Variants in SLC7A11 observed in about 807,000 individuals in gnomAD.
SLC7A11 encodes cystine/glutamate transporter.
SLC7A11 carries 35 observed loss-of-function variants against 54.5 expected under a neutral mutation model. That is an observed-to-expected ratio of 0.64 (90% CI 0.49 to 0.85). SLC7A11 has a LOEUF of 0.85. SLC7A11 is among the 40% of genes least tolerant of loss of function. The probability of loss-of-function intolerance (pLI) is 0.00; values close to 1 mark genes in which losing one functional copy is unlikely to be tolerated. For missense variants in SLC7A11, 583 were observed against 618.1 expected, an observed-to-expected ratio of 0.94 and a Z score of 0.60; for synonymous variants, 230 against 225.2, an observed-to-expected ratio of 1.02 and a Z score of -0.19.
intron 6 of SLC7A11, among the ~76,000 whole-genome samples, chr4:138,190,272 TAAG>T (rs1736977929): frequency 1.3e-5 from 2 of 151,878 alleles, no homozygotes; most frequent in Non-Finnish European, 2.9e-5. Context: ...GAGAAAAAAT[TAAG>T]AAGAACAAAA....
At chr4:138,239,777 C>CT (rs1431528003) in intron 1 of SLC7A11, among the ~76,000 whole-genome samples, 6 of 152,180 alleles carry the variant, frequency 3.9e-5, no homozygotes, top group African/African-American at 1.4e-4. Flanking sequence ...AATACTCATA[C>CT]TGATCTATTT....
chr4:138,193,337 CTCATT>C lies in SLC7A11; in HGVS notation c.792-8098_792-8094del, dbSNP rs769923117. On this transcript the variant is annotated intron_variant, in intron 6 of 11. Transcript: ENST00000280612. ...GGGATTATAGACTATCCTGTTCTCA[CTCATT>C]TCAACCAGATGAGTCCTCTCTTACT... 2.0e-5 allele frequency among the ~76,000 whole-genome samples: 3 copies of C among 152,276 alleles called. No homozygotes were observed. In the East Asian group the frequency reaches 5.8e-4, roughly 29 times the overall value.
At chr4:138,172,861 T>C (rs896806169) in intron 11 of SLC7A11, among the ~76,000 whole-genome samples, 13 of 152,294 alleles carry the variant, frequency 8.5e-5, no homozygotes, top group Middle Eastern at 3.4e-3. Context: ...TTTTGATTTT[T>C]TGAGGCGGAG....
chr4:138,196,292 A>G (rs1316149092), intron 6 of SLC7A11, among the ~76,000 whole-genome samples: 1 of 152,188 alleles, frequency 6.6e-6, no homozygotes, highest in Non-Finnish European at 1.5e-5. Context: ...GCCAGCAGCC[A>G]CCAGTGGGGA....
At chr4:138,207,252 T>C (rs1229702373) in intron 6 of SLC7A11, among the ~76,000 whole-genome samples, 1 of 152,132 alleles carries the variant, frequency 6.6e-6, no homozygotes, top group African/African-American at 2.4e-5. Flanking sequence ...TAATGTTGTC[T>C]AAGAATGTAG....
At chr4:138,237,728 TATATATATA>T (rs1217935351) in intron 1 of SLC7A11, among the ~76,000 whole-genome samples, 4 of 11,488 alleles carry the variant, frequency 3.5e-4, no homozygotes, top group South Asian at 3.1e-3. Context: ...TATATATATA[TATATATATA>T]TTTTTTTTTT....
intron 2 of SLC7A11, among the ~76,000 whole-genome samples, chr4:138,235,558 T>C (rs1212778747): frequency 6.6e-6 from 1 of 152,188 alleles, no homozygotes; most frequent in Non-Finnish European, 1.5e-5. Context: ...TCCCTAGTAA[T>C]ATCCATTAAA....
chr4:138,211,001 C>G (rs907375310), intron 6 of SLC7A11, among the ~76,000 whole-genome samples: 1 of 151,900 alleles, frequency 6.6e-6, no homozygotes, highest in African/African-American at 2.4e-5. Context: ...AACTTTAGTT[C>G]CCATCAAAAG....
intron 11 of SLC7A11, chr4:138,176,066 G>C (rs1453750936): frequency 6.6e-6 from 1 of 152,060 alleles, no homozygotes; most frequent in African/African-American, 2.4e-5. Flanking sequence ...GAAGGGACAG[G>C]GCGCTGCTTC....
chr4:138,229,581 C>T (rs879639810), intron 3 of SLC7A11, among the ~76,000 whole-genome samples: 6 of 152,180 alleles, frequency 3.9e-5, no homozygotes, highest in Non-Finnish European at 5.9e-5. Context: ...TTAACTATTC[C>T]GTCACCAATG....
At chr4:138,180,054 C>T (rs992642969) in intron 10 of SLC7A11, among the ~76,000 whole-genome samples, 1 of 152,016 alleles carries the variant, frequency 6.6e-6, no homozygotes, top group Non-Finnish European at 1.5e-5. Flanking sequence ...CAAGCTTTTT[C>T]TCCAGTCCTC....
intron 3 of SLC7A11, among the ~76,000 whole-genome samples, chr4:138,223,941 G>C (rs966546584): frequency 2.0e-5 from 3 of 152,156 alleles, no homozygotes; most frequent in Non-Finnish European, 4.4e-5. Flanking sequence ...TATTCTAAGT[G>C]ATGAGTGCAA....
chr4:138,232,152 C>A, intron 3 of SLC7A11, 115 bp downstream of exon 3: 1 of 750,452 alleles, frequency 1.3e-6, no homozygotes, highest in Non-Finnish European at 2.4e-6. Flanking sequence ...GAACTGTAAG[C>A]AAAAAGAACA....
At chr4:138,186,876 T>G (rs1736893729) in intron 6 of SLC7A11, among the ~76,000 whole-genome samples, 1 of 152,134 alleles carries the variant, frequency 6.6e-6, no homozygotes, top group Admixed American at 6.6e-5. Flanking sequence ...TCAGCTTTTA[T>G]AAGATCCCCA....
chr4:138,217,967 G>A (rs1737719655), intron 5 of SLC7A11, among the ~76,000 whole-genome samples: 1 of 152,106 alleles, frequency 6.6e-6, no homozygotes, highest in African/African-American at 2.4e-5. Context: ...TACATATAAT[G>A]GTTATAAAAA....
In SLC7A11 at chr4:138,234,739, T is replaced by C. The variant is rs183762248; in HGVS notation, c.404+1586A>G. Among the ~76,000 whole-genome samples the C allele has an allele frequency of 1.9e-3, 286 of 152,290 alleles. 2 individuals carry two copies. Among genetic ancestry groups the C allele is most frequent in the African/African-American group, 6.6e-3 (276 of 41,560 alleles). ...TGCTACTGTAAGATATAAGCTATAT[T>C]TATATGGAATGATCATGTTCATCAT... On this transcript the variant is annotated intron_variant, in intron 2 of 11. Coordinates refer to ENST00000280612, the MANE Select transcript of SLC7A11 (RefSeq NM_014331.4).
At chr4:138,193,618 G>A (rs550719864) in intron 6 of SLC7A11, among the ~76,000 whole-genome samples, 7 of 152,178 alleles carry the variant, frequency 4.6e-5, no homozygotes, top group African/African-American at 1.2e-4. Flanking sequence ...GGCCAATATG[G>A]TGAAACCCCA....
chr4:138,219,208 A>T, intron 5 of SLC7A11, 58 bp downstream of exon 5: 1 of 939,870 alleles, frequency 1.1e-6, no homozygotes, highest in Non-Finnish European at 1.7e-6. Context: ...ACTTAATCTG[A>T]GTGCATAATG....
At chr4:138,225,164 ATATAT>A (rs1737916823) in intron 3 of SLC7A11, among the ~76,000 whole-genome samples, 3 of 145,858 alleles carry the variant, frequency 2.1e-5, no homozygotes, top group African/African-American at 5.0e-5. Context: ...ATATATATAT[ATATAT>A]ATAAATAAAA....
Sources: gnomAD v4.1 joint callset for allele counts (sites outside exome capture counted in the v4.1 genomes callset) on GRCh38, gnomAD v4.1.1 for gene constraint, MANE v1.5 for transcripts, NCBI Gene and HGNC (gene_info 2026-07-23, HGNC 2026-07-21) for gene names.